The following CTNND2 variants were observed in gnomAD, a reference collection of about 807,000 sequenced individuals.
The protein encoded by CTNND2 is catenin delta-2.
A neutral mutation model predicts 144.4 loss-of-function variants in CTNND2; 22 were observed. That is an observed-to-expected ratio of 0.15 (90% confidence interval 0.11 to 0.22). CTNND2 has a LOEUF of 0.22. CTNND2 is among the 10% of genes least tolerant of loss of function. The pLI is 1.00. For missense variants in CTNND2, 1,353 were observed against 1,618.8 expected (o/e 0.84, Z 2.82); for synonymous variants, 751 against 695.6 (o/e 1.08, Z -1.25).
intron 1 of CTNND2, among the ~76,000 whole-genome samples, chr5:11,771,947 A>C (rs1789968228): frequency 6.6e-6 from 1 of 152,184 alleles, no homozygotes; most frequent in Admixed American, 6.5e-5. Context: ...CTGAAAAGCC[A>C]TGTTAGGTAC....
intron 6 of CTNND2, among the ~76,000 whole-genome samples, chr5:11,388,839 C>T (rs535838015): frequency 3.0e-4 from 45 of 152,308 alleles, no homozygotes; most frequent in South Asian, 1.9e-3. Context: ...ACTTTAGTGT[C>T]ACAAGAGTTC....
rs1738263089 is a variant in CTNND2, at chr5:10,988,263, G to A, written c.3212-21C>T. 1.2e-6 allele frequency: 2 copies of A among 1,613,900 alleles called. No homozygotes were observed. The highest frequency in any genetic ancestry group is 4.5e-5 in the East Asian group (2 of 44,878). ...ACTTGCTACATAAAGAAATCAAAAGGGGGATTTTCTGCATCTCATCCCACA... is the reference window on the plus strand; with the variant it reads ...ACTTGCTACATAAAGAAATCAAAAGAGGGATTTTCTGCATCTCATCCCACA... On this transcript the variant is annotated intron_variant, in intron 19 of 21. Coordinates refer to ENST00000304623, the MANE Select transcript of CTNND2 (RefSeq NM_001332.4). This position sits in a 1 kb window ranked among gnomAD's most constrained non-coding sequence, Gnocchi z 5.9.
At chr5:11,641,782 ATACATACACGTGTACATACACGTGTATG>A (rs1782057618) in intron 2 of CTNND2, among the ~76,000 whole-genome samples, 1 of 146,306 alleles carries the variant, frequency 6.8e-6, no homozygotes, top group South Asian at 2.2e-4. Flanking sequence ...ATGTATGTAC[ATACATACACGTGTACATACACGTGTATG>A]TACATACATA....
In CTNND2 at chr5:11,110,866, G is replaced by C; in HGVS notation, c.2455C>G (p.Gln819Glu). 2 of 1,612,394 alleles carry C rather than the reference G, an allele frequency of 1.2e-6. No individual in the cohort carries two copies. Among genetic ancestry groups the C allele is most frequent in the Non-Finnish European group, 8.5e-7 (1 of 1,179,760 alleles). ...CAAGCAGCCTGCATCACCTGATCTT[G>C]GGATTTCTTTTTCTTCTTCTTCTTG... is the stretch of plus-strand genomic sequence containing the variant. ...WGKKKKKKKS[Q>E]DQWDGVGPLP... The change falls in exon 14 of 22, where the codon CAA becomes GAA. Residue 819 changes from glutamine to glutamate, a missense_variant. Physicochemically the swap from Gln to Glu is conservative, Grantham distance 29. Around this residue, in one of 4 missense-constraint regions of CTNND2, gnomAD observed 459 missense variants for 674.3 expected, o/e 0.68. Coordinates refer to ENST00000304623, the MANE Select transcript of CTNND2 (RefSeq NM_001332.4).
chr5:11,589,147 T>C (rs1361060797), intron 2 of CTNND2: 4 of 489,358 alleles, frequency 8.2e-6, no homozygotes, highest in South Asian at 1.7e-4. Flanking sequence ...TAGACCCCCA[T>C]TGGCATTATT....
At chr5:11,139,019 G>T (rs1279435334) in intron 12 of CTNND2, among the ~76,000 whole-genome samples, 1 of 151,526 alleles carries the variant, frequency 6.6e-6, no homozygotes, top group Non-Finnish European at 1.5e-5. Flanking sequence ...GGAGTAAAAT[G>T]GCACGATCTT....
chr5:11,117,143 AAAAC>A (rs1314218016), intron 13 of CTNND2, among the ~76,000 whole-genome samples: 3 of 152,142 alleles, frequency 2.0e-5, no homozygotes, highest in African/African-American at 7.2e-5. Context: ...TTAAAAAAAA[AAAAC>A]TAGAAGCTTG....
chr5:11,164,399 C>T (rs1021167218), intron 11 of CTNND2, among the ~76,000 whole-genome samples: 1 of 152,210 alleles, frequency 6.6e-6, no homozygotes, highest in Non-Finnish European at 1.5e-5. Flanking sequence ...ATGGTAGCCT[C>T]ATGATCAGGC....
chr5:11,311,562 C>T (rs1272284988), intron 9 of CTNND2, among the ~76,000 whole-genome samples: 4 of 141,886 alleles, frequency 2.8e-5, no homozygotes, highest in Admixed American at 2.1e-4. Flanking sequence ...CAGGCACTCA[C>T]ACTCCCCATG....
intron 2 of CTNND2, among the ~76,000 whole-genome samples, chr5:11,714,482 T>A (rs1786231380): frequency 6.6e-6 from 1 of 152,054 alleles, no homozygotes; most frequent in African/African-American, 2.4e-5. Flanking sequence ...ACTTAAAAGG[T>A]AGGAAAATTT....
intron 9 of CTNND2, among the ~76,000 whole-genome samples, chr5:11,257,854 A>T (rs897883924): frequency 5.9e-5 from 9 of 152,172 alleles, no homozygotes; most frequent in African/African-American, 2.2e-4. Flanking sequence ...GCTCTGCAAT[A>T]CTGCACTTAT....
intron 9 of CTNND2, among the ~76,000 whole-genome samples, chr5:11,263,090 A>G (rs1221105477): frequency 6.6e-6 from 1 of 152,198 alleles, no homozygotes; most frequent in Non-Finnish European, 1.5e-5. Flanking sequence ...TTGCAGAGCC[A>G]TCATCTGTGT....
At chr5:11,267,802 A>G (rs1014303048) in intron 9 of CTNND2, among the ~76,000 whole-genome samples, 5 of 152,224 alleles carry the variant, frequency 3.3e-5, no homozygotes, top group Admixed American at 6.5e-5. Flanking sequence ...AGTGGCATTA[A>G]TGTTCTTACT....
At chr5:11,500,253 ATGGGAGTGTC>A (rs1581349318) in intron 3 of CTNND2, among the ~76,000 whole-genome samples, 1 of 152,210 alleles carries the variant, frequency 6.6e-6, no homozygotes, top group East Asian at 1.9e-4. Context: ...GACAATATGC[ATGGGAGTGTC>A]TGGCACAATC....
At chr5:11,270,704 G>A (rs2149976311) in intron 9 of CTNND2, among the ~76,000 whole-genome samples, 1 of 152,260 alleles carries the variant, frequency 6.6e-6, no homozygotes, top group South Asian at 2.1e-4. Context: ...TATACTTCTA[G>A]GCTATGTCTC....
intron 3 of CTNND2, among the ~76,000 whole-genome samples, chr5:11,528,859 A>G (rs1313491115): frequency 6.6e-6 from 1 of 152,210 alleles, no homozygotes; most frequent in African/African-American, 2.4e-5. Context: ...TCCCCTTTTC[A>G]TCAGTGGCCA....
At chr5:11,778,797 G>T (rs1378326941) in intron 1 of CTNND2, among the ~76,000 whole-genome samples, 1 of 152,156 alleles carries the variant, frequency 6.6e-6, no homozygotes, top group African/African-American at 2.4e-5. Flanking sequence ...ATCAATATTG[G>T]ATCATTAATC....
chr5:11,124,853 T>C (rs1246748916), intron 12 of CTNND2, among the ~76,000 whole-genome samples: 1 of 152,216 alleles, frequency 6.6e-6, no homozygotes, highest in Non-Finnish European at 1.5e-5. Flanking sequence ...GGTACAGAAC[T>C]TTCAGCATAT....
intron 3 of CTNND2, among the ~76,000 whole-genome samples, chr5:11,518,779 T>C (rs1180571942): frequency 6.6e-6 from 1 of 152,244 alleles, no homozygotes; most frequent in Non-Finnish European, 1.5e-5. Flanking sequence ...CAATAGACTA[T>C]ACCATATAAC....
Sources: gnomAD v4.1 joint callset for allele counts (sites outside exome capture counted in the v4.1 genomes callset) on GRCh38, gnomAD v4.1.1 for gene constraint, gnomAD v4.1.1 regional missense constraint, Gnocchi (gnomAD v3.1) non-coding constraint, MANE v1.5 for transcripts, NCBI Gene and HGNC (gene_info 2026-07-23, HGNC 2026-07-21) for gene names.